SEPTIN2: variants seen among roughly 807,000 people sequenced by gnomAD.
SEPTIN2 encodes the protein septin 2.
Under a neutral mutation model 46.5 loss-of-function variants are expected in SEPTIN2, and 34 were observed. That is an observed-to-expected ratio of 0.73 (90% CI 0.56 to 0.97). The LOEUF (loss-of-function observed/expected upper bound fraction) is 0.97, where lower values mean the gene tolerates loss of function less well. SEPTIN2 is among the 50% of genes least tolerant of loss of function. SEPTIN2 has a pLI of 0.00. For missense variants in SEPTIN2, 347 were observed against 448.4 expected (o/e 0.77, Z 2.04); for synonymous variants, 175 against 153.4 (o/e 1.14, Z -1.04).
intron 2 of SEPTIN2, 92 bp from the exon 3 acceptor site, chr2:241,325,901 A>G (rs949321400): frequency 2.4e-6 from 3 of 1,250,262 alleles, no homozygotes; most frequent in Admixed American, 2.6e-5. Context: ...GTGAAAACTG[A>G]TAACCTATGT....
At chr2:241,325,685 C>T (rs1282906710) in intron 2 of SEPTIN2, among the ~76,000 whole-genome samples, 1 of 152,092 alleles carries the variant, frequency 6.6e-6, no homozygotes, top group East Asian at 1.9e-4. Flanking sequence ...TTTGAAATTG[C>T]ATTAAGATGT....
intron 3 of SEPTIN2, among the ~76,000 whole-genome samples, chr2:241,330,217 A>T (rs1181383582): frequency 1.3e-5 from 2 of 152,240 alleles, no homozygotes; most frequent in Non-Finnish European, 2.9e-5. Context: ...TTTCTAAAAA[A>T]ATCACCATGC....
intron 3 of SEPTIN2, among the ~76,000 whole-genome samples, chr2:241,333,264 G>A (rs2079317203): frequency 6.6e-6 from 1 of 152,106 alleles, no homozygotes; most frequent in Non-Finnish European, 1.5e-5. Flanking sequence ...CACCTAATTA[G>A]TAAATGAGAG....
chr2:241,349,371 TAA>T (rs569301265), intron 11 of SEPTIN2, among the ~76,000 whole-genome samples: 4 of 117,278 alleles, frequency 3.4e-5, no homozygotes, highest in African/African-American at 8.4e-5. Context: ...CCCATCCCTT[TAA>T]AAAAAAAAAA....
chr2:241,353,548 CTGG>C lies in SEPTIN2; in HGVS notation c.*1614_*1616del, dbSNP rs2060927895. 6.6e-6 allele frequency: 1 copy of C among 152,156 alleles called. No homozygotes were observed. Among genetic ancestry groups the C allele is most frequent in the Non-Finnish European group, 1.5e-5 (1 of 68,030 alleles). 9.4% of individuals were successfully genotyped at this position (152,156 alleles called of 1,614,324 possible). ...ATGAAGGTGTGCTACAGAAAATAAT[CTGG>C]TGTTCTTGCTAACTTTGCCCTTCAC... is the stretch of plus-strand genomic sequence containing the variant. On this transcript the variant is annotated 3_prime_UTR_variant, in exon 13 of 13. Transcript: ENST00000391971.
At chr2:241,346,817 A>G (rs892504608) in intron 10 of SEPTIN2, among the ~76,000 whole-genome samples, 1 of 152,074 alleles carries the variant, frequency 6.6e-6, no homozygotes, top group African/African-American at 2.4e-5. Flanking sequence ...CTTCAAAAGC[A>G]TCACTCTGTA....
chr2:241,329,982 G>C (rs1427330928), intron 3 of SEPTIN2, among the ~76,000 whole-genome samples: 6 of 152,210 alleles, frequency 3.9e-5, no homozygotes, highest in Non-Finnish European at 7.3e-5. Context: ...ATTACGGCCA[G>C]CAGATATTTA....
At chr2:241,348,293 T>G in intron 11 of SEPTIN2, 102 bp downstream of exon 11, 1 of 801,110 alleles carries the variant, frequency 1.2e-6, no homozygotes, top group East Asian at 3.4e-5. Flanking sequence ...AGTGGCGTGA[T>G]CTCGGCTCAC....
At chr2:241,321,111 C>T (rs1030612090) in intron 1 of SEPTIN2, among the ~76,000 whole-genome samples, 2 of 152,074 alleles carry the variant, frequency 1.3e-5, no homozygotes, top group Admixed American at 6.5e-5. Context: ...AGATACATGA[C>T]TTCAAACATT....
chr2:241,319,198 A>G (rs1474857922), intron 1 of SEPTIN2, among the ~76,000 whole-genome samples: 2 of 152,238 alleles, frequency 1.3e-5, no homozygotes, highest in African/African-American at 2.4e-5. Context: ...TGGATATTTG[A>G]TTGCATTAAA....
At chr2:241,341,657 C>T (rs1292872232) in intron 7 of SEPTIN2, among the ~76,000 whole-genome samples, 3 of 152,234 alleles carry the variant, frequency 2.0e-5, no homozygotes, top group Non-Finnish European at 2.9e-5. Context: ...AGGGCCTTTT[C>T]TGGAGTTCTG....
intron 7 of SEPTIN2, among the ~76,000 whole-genome samples, chr2:241,340,306 C>G (rs2081084285): frequency 6.6e-6 from 1 of 152,118 alleles, no homozygotes; most frequent in Non-Finnish European, 1.5e-5. Flanking sequence ...AGGGACTTGG[C>G]TCTTGCTTTT....
chr2:241,320,551 T>C (rs567592290), intron 1 of SEPTIN2, among the ~76,000 whole-genome samples: 18 of 152,306 alleles, frequency 1.2e-4, no homozygotes, highest in African/African-American at 4.1e-4. Context: ...CCCAGCACTT[T>C]GGGAAACCAG....
chr2:241,318,300 T>C (rs1325095182), intron 1 of SEPTIN2: 1 of 152,256 alleles, frequency 6.6e-6, no homozygotes, highest in Non-Finnish European at 1.5e-5. Flanking sequence ...ATTTCTATGT[T>C]GCACTGTGTG....
Position 241,343,029 on chromosome 2 carries a change from A to G in SEPTIN2, c.632A>G (p.Tyr211Cys), listed in dbSNP as rs1158597933. The G allele has an allele frequency of 6.2e-7, 1 of 1,610,628 alleles. No individual in the cohort carries two copies. Among genetic ancestry groups the G allele is most frequent in the Non-Finnish European group, 8.5e-7 (1 of 1,177,310 alleles). ...ATTGAAGAACATAACATCAAAATCT[A>G]TCACTTACCTGATGCAGAATCAGAT... Reference protein sequence around the residue: ...DEIEEHNIKIYHLPDAESDED... With the variant: ...DEIEEHNIKICHLPDAESDED... Residue 211 changes from tyrosine to cysteine, a missense_variant, in exon 8 of 13, where the codon TAT (tyrosine) becomes TGT (cysteine). Coordinates refer to ENST00000391971, the MANE Select transcript of SEPTIN2 (RefSeq NM_004404.5).
Position 241,337,888 on chromosome 2 carries a change from C to T in SEPTIN2, c.594+98C>T, listed in dbSNP as rs967960719. ...TCCCACGCTCAGTCTGCTCAGGTGTCGGGAGGCAGGGCGGGAGAATTTTTC... is the reference window on the plus strand; with the variant it reads ...TCCCACGCTCAGTCTGCTCAGGTGTTGGGAGGCAGGGCGGGAGAATTTTTC... On this transcript the variant is annotated intron_variant, in intron 7 of 12. Coordinates refer to ENST00000391971, the MANE Select transcript of SEPTIN2 (RefSeq NM_004404.5). 6.7e-5 allele frequency: 50 copies of T among 741,796 alleles called. No homozygotes were observed. In the Middle Eastern group the frequency reaches 1.7e-3, roughly 26 times the overall value. 46.0% of individuals were successfully genotyped at this position (741,796 alleles called of 1,614,324 possible).
At chr2:241,342,574 T>C (rs1025019682) in intron 7 of SEPTIN2, among the ~76,000 whole-genome samples, 4 of 137,546 alleles carry the variant, frequency 2.9e-5, no homozygotes, top group African/African-American at 1.1e-4. Flanking sequence ...GGAGTCTTGC[T>C]CCGTCACCCA....
At chr2:241,335,098 A>G in intron 3 of SEPTIN2, 28 bp from the exon 4 acceptor site, 1 of 1,523,990 alleles carries the variant, frequency 6.6e-7, no homozygotes, top group Non-Finnish European at 9.1e-7. Context: ...GAATAAGGTC[A>G]TGACAAGGTT....
At chr2:241,350,847 C>T (rs565533882) in intron 12 of SEPTIN2, among the ~76,000 whole-genome samples, 1 of 152,134 alleles carries the variant, frequency 6.6e-6, no homozygotes, top group Non-Finnish European at 1.5e-5. Flanking sequence ...TCTTATGTAT[C>T]TTATGGACAG....
Sources: allele counts gnomAD v4.1 joint callset (sites outside exome capture counted in the v4.1 genomes callset), GRCh38; gene constraint gnomAD v4.1.1; transcripts MANE v1.5; gene names NCBI Gene and HGNC (gene_info 2026-07-23, HGNC 2026-07-21).